Variants in FNIP2 observed in about 807,000 individuals in gnomAD.
FNIP2 encodes folliculin-interacting protein 2.
In FNIP2, 32 loss-of-function variants were observed where a neutral mutation model predicts 108.7. The ratio of observed to expected loss-of-function variants is 0.29; its 90% CI spans 0.22 to 0.40. FNIP2 has a LOEUF of 0.40. FNIP2 is among the 10% of genes least tolerant of loss of function. FNIP2 has a pLI of 1.00. For synonymous variants in FNIP2, 480 were observed against 496.7 expected (o/e 0.97, Z 0.45); for missense variants, 1,202 against 1,381.6 (o/e 0.87, Z 2.06).
chr4:158,882,860 G>A (rs948955948), intron 14 of FNIP2, among the ~76,000 whole-genome samples: 7 of 151,812 alleles, frequency 4.6e-5, no homozygotes, highest in African/African-American at 1.2e-4. Context: ...CAAATACTGC[G>A]GAAGGCCGCA....
Position 158,906,555 on chromosome 4 carries a change from T to G in FNIP2, c.*2011T>G, listed in dbSNP as rs1486501495. The G allele has an allele frequency of 6.6e-6, 1 of 152,190 alleles. No individual in the cohort carries two copies. The highest frequency in any genetic ancestry group is 1.5e-5 in the Non-Finnish European group (1 of 68,038). The allele number at this position is 152,190 out of a possible 1,614,324, so 9.4% of individuals were successfully genotyped here. A position where few individuals can be genotyped will look rare whatever the true frequency, so the allele number is the denominator to read the frequency against. ...AATTCAGCCCAGGCCCCTCAAAGCC[T>G]GAGAAAATTTAATTTGCTCTTAATT... On this transcript the variant is annotated 3_prime_UTR_variant, in exon 17 of 17. Coordinates refer to ENST00000264433, the MANE Select transcript of FNIP2 (RefSeq NM_020840.3).
At chr4:158,903,571 T>C (rs964492443) in intron 16 of FNIP2, among the ~76,000 whole-genome samples, 2 of 152,142 alleles carry the variant, frequency 1.3e-5, no homozygotes, top group African/African-American at 4.8e-5. Flanking sequence ...GTCCTCTTAG[T>C]GCATTATTAG....
chr4:158,862,766 G>A (rs1780366028), intron 12 of FNIP2, among the ~76,000 whole-genome samples: 1 of 152,140 alleles, frequency 6.6e-6, no homozygotes, highest in Admixed American at 6.6e-5. Flanking sequence ...TTTTCCTGGG[G>A]AAGACAGAAC....
At position 158,832,164 on chromosome 4, in the gene FNIP2, A is replaced by G; in HGVS notation, c.554+26A>G. 5 of 1,574,010 alleles carry G rather than the reference A, an allele frequency of 3.2e-6. No individual in the cohort carries two copies. The South Asian group carries it at 5.6e-5, about 18-fold the overall frequency. On this transcript the variant is annotated intron_variant, in intron 5 of 16. Coordinates refer to ENST00000264433, the MANE Select transcript of FNIP2 (RefSeq NM_020840.3). ...GTAAGTGTAGGATTTTGCATTCCCC[A>G]CCCCCATTTTTTAAAGTGTGTATTT...
intron 6 of FNIP2, chr4:158,834,324 C>CTCTCTCTCTCTCTCTCTCTCTCTT (rs1778667125): frequency 6.7e-6 from 1 of 150,332 alleles, no homozygotes; most frequent in Non-Finnish European, 1.5e-5. Flanking sequence ...CTCTCTCTCT[C>CTCTCTCTCTCTCTCTCTCTCTCTT]TCTCTCCCTC....
Position 158,868,611 on chromosome 4 carries a change from C to A in FNIP2, c.1975C>A (p.Gln659Lys), listed in dbSNP as rs769584629. ...CGDEKNKEAP[Q>K]DGSSRLPSCE... ...GGATGAGAAAAATAAAGAGGCACCG[C>A]AAGATGGCTCTTCAAGACTTCCCAG... is the stretch of plus-strand genomic sequence containing the variant. Residue 659 changes from glutamine (Q) to lysine (K), a missense_variant, in exon 13 of 17, where the codon CAA (glutamine) becomes AAA (lysine). Physicochemically the swap from Gln to Lys is moderately conservative, Grantham distance 53. This residue lies in a region of FNIP2 where 878 missense variants were observed against 990.3 expected (regional missense o/e 0.89). Coordinates refer to ENST00000264433, the MANE Select transcript of FNIP2 (RefSeq NM_020840.3). This position sits in a 1 kb window ranked among gnomAD's most constrained non-coding sequence, Gnocchi z 4.6. The A allele has an allele frequency of 6.2e-7, 1 of 1,613,874 alleles. No individual in the cohort carries two copies. The highest frequency in any genetic ancestry group is 8.5e-7 in the Non-Finnish European group (1 of 1,179,832).
chr4:158,777,726 T>C (rs1011446862), intron 1 of FNIP2, among the ~76,000 whole-genome samples: 3 of 152,190 alleles, frequency 2.0e-5, no homozygotes, highest in African/African-American at 4.8e-5. Context: ...CGGAAGACCA[T>C]GTGGACGCTG....
chr4:158,907,385 T>C lies in FNIP2; in HGVS notation c.*2841T>C, dbSNP rs953088510. ...ATCCCATGGAACTGCCGTTTACACA[T>C]TGCAACTTTTTAAACTTAACCATAT... is the stretch of plus-strand genomic sequence containing the variant. On this transcript the variant is annotated 3_prime_UTR_variant, in exon 17 of 17. Coordinates refer to ENST00000264433, the MANE Select transcript of FNIP2 (RefSeq NM_020840.3). 1 of 152,202 alleles carries C rather than the reference T, an allele frequency of 6.6e-6. No homozygotes were observed. Among genetic ancestry groups the C allele is most frequent in the African/African-American group, 2.4e-5 (1 of 41,450 alleles). 9.4% of individuals were successfully genotyped at this position (152,202 alleles called of 1,614,324 possible). A position where few individuals can be genotyped will look rare whatever the true frequency, so the allele number is the denominator to read the frequency against.
chr4:158,807,982 A>G (rs1188783355), intron 1 of FNIP2, among the ~76,000 whole-genome samples: 1 of 152,226 alleles, frequency 6.6e-6, no homozygotes, highest in East Asian at 1.9e-4. Flanking sequence ...GCTGAGTGAT[A>G]GGAGAGAGTA....
At chr4:158,806,771 G>A (rs1399185090) in intron 1 of FNIP2, among the ~76,000 whole-genome samples, 2 of 152,228 alleles carry the variant, frequency 1.3e-5, no homozygotes, top group African/African-American at 4.8e-5. Flanking sequence ...CCGTCCTGAA[G>A]TAGCAGCACA....
intron 1 of FNIP2, among the ~76,000 whole-genome samples, chr4:158,796,635 AG>A (rs1233002971): frequency 1.3e-5 from 2 of 152,242 alleles, no homozygotes; most frequent in East Asian, 1.9e-4. Flanking sequence ...CAACTCAAAT[AG>A]GACAGTGAGT....
chr4:158,790,578 G>A (rs758163825), intron 1 of FNIP2, among the ~76,000 whole-genome samples: 20 of 151,876 alleles, frequency 1.3e-4, no homozygotes, highest in East Asian at 2.0e-4. Flanking sequence ...AGATTCCATC[G>A]CTCCAAAAAA....
chr4:158,788,946 G>A (rs1776310520), intron 1 of FNIP2, among the ~76,000 whole-genome samples: 1 of 152,210 alleles, frequency 6.6e-6, no homozygotes, highest in African/African-American at 2.4e-5. Context: ...CAATGTAAAA[G>A]GAAAAGCTTA....
intron 7 of FNIP2, among the ~76,000 whole-genome samples, chr4:158,837,526 G>A (rs1168837555): frequency 4.6e-5 from 7 of 152,198 alleles, no homozygotes; most frequent in Non-Finnish European, 4.4e-5. Context: ...GGTTCATGTT[G>A]TACAGGTTGA....
At chr4:158,780,953 C>G (rs574220087) in intron 1 of FNIP2, among the ~76,000 whole-genome samples, 1 of 150,912 alleles carries the variant, frequency 6.6e-6, no homozygotes, top group African/African-American at 2.4e-5. Flanking sequence ...GAGAATCGCT[C>G]GAACCCCAGA....
At position 158,902,111 on chromosome 4, in the gene FNIP2, C is replaced by T. The variant is rs187902215; in HGVS notation, c.3267-2355C>T. ...CAGCCTTTTTGCCCAGGTTTCTCCCCATCTTCATGGATTTATCTACCTTTG... is the reference window on the plus strand; with the variant it reads ...CAGCCTTTTTGCCCAGGTTTCTCCCTATCTTCATGGATTTATCTACCTTTG... On this transcript the variant is annotated intron_variant, in intron 16 of 16. Transcript: ENST00000264433. Among the ~76,000 whole-genome samples the T allele has an allele frequency of 5.9e-5, 9 of 152,202 alleles. 1 individual carries two copies. In the East Asian group the frequency reaches 1.7e-3, roughly 30 times the overall value.
At chr4:158,798,075 G>A (rs1043818718) in intron 1 of FNIP2, among the ~76,000 whole-genome samples, 3 of 151,988 alleles carry the variant, frequency 2.0e-5, no homozygotes, top group Admixed American at 2.0e-4. Context: ...TGTTGTTGTT[G>A]TTTTTTAGAG....
chr4:158,784,275 G>GT (rs2126432458), intron 1 of FNIP2, among the ~76,000 whole-genome samples: 1 of 152,198 alleles, frequency 6.6e-6, no homozygotes, highest in South Asian at 2.1e-4. Flanking sequence ...TAGAAATTCT[G>GT]TTCCTTCTTC....
At chr4:158,781,452 G>A (rs1274978861) in intron 1 of FNIP2, among the ~76,000 whole-genome samples, 1 of 152,128 alleles carries the variant, frequency 6.6e-6, no homozygotes, top group Non-Finnish European at 1.5e-5. Context: ...TGTAGATGGG[G>A]AGGGACCCCA....
Sources: gnomAD v4.1 joint callset for allele counts (sites outside exome capture counted in the v4.1 genomes callset) on GRCh38, gnomAD v4.1.1 for gene constraint, gnomAD v4.1.1 regional missense constraint, Gnocchi (gnomAD v3.1) non-coding constraint, MANE v1.5 for transcripts, NCBI Gene and HGNC (gene_info 2026-07-23, HGNC 2026-07-21) for gene names.